TEX11: variants seen among roughly 807,000 people sequenced by gnomAD.
The protein encoded by TEX11 is testis-expressed protein 11.
A neutral mutation model predicts 84.4 loss-of-function variants in TEX11; 7 were observed. That is an observed-to-expected ratio of 0.08 (90% CI 0.05 to 0.16). The LOEUF is 0.16. Among genes scored for constraint, TEX11 ranks in the 10% least tolerant of loss-of-function variants. The pLI, the probability that TEX11 is intolerant of heterozygous loss-of-function variation, is 1.00. For synonymous variants in TEX11, 264 were observed against 222.8 expected, an observed-to-expected ratio of 1.18 and a Z score of -1.64; for missense variants, 551 against 660.5, an observed-to-expected ratio of 0.83 and a Z score of 1.82.
chrX:70,521,751 C>T, the TEX11 span, among the ~76,000 whole-genome samples: 2 of 111,872 alleles, frequency 1.8e-5, no homozygotes. Context: ...TAAGGCTAGA[C>T]ATAGTAAGGT....
chrX:70,621,078 T>C (rs1230205381), intron 20 of TEX11, among the ~76,000 whole-genome samples: 1 of 111,078 alleles, frequency 9.0e-6, no homozygotes, highest in Non-Finnish European at 1.9e-5. Context: ...CAAATGATTA[T>C]GATATGTCAA....
At chrX:70,730,511 T>C (rs1036294187) in intron 11 of TEX11, among the ~76,000 whole-genome samples, 4 of 111,688 alleles carry the variant, frequency 3.6e-5, no homozygotes, top group Non-Finnish European at 7.5e-5. Flanking sequence ...TCTTACTCTC[T>C]GATAATACAG....
chrX:70,879,766 A>C (rs917461625), intron 3 of TEX11, among the ~76,000 whole-genome samples: 1 of 111,399 alleles, frequency 9.0e-6, no homozygotes, highest in Non-Finnish European at 1.9e-5. Context: ...ATAATAAATA[A>C]CATTGCTAAT....
intron 9 of TEX11, among the ~76,000 whole-genome samples, chrX:70,771,528 T>A (rs1292464274): frequency 9.0e-6 from 1 of 111,427 alleles, no homozygotes; most frequent in African/African-American, 3.3e-5. Flanking sequence ...TTAAATGCAA[T>A]CTATTTTGAA....
chrX:70,677,917 G>A (rs1444633086), intron 15 of TEX11, among the ~76,000 whole-genome samples: 1 of 101,673 alleles, frequency 9.8e-6, no homozygotes. Flanking sequence ...GGGTTCAAGC[G>A]ATTCCCCTGC....
At chrX:70,625,776 C>CT (rs36048662) in intron 18 of TEX11, among the ~76,000 whole-genome samples, 24 of 95,132 alleles carry the variant, frequency 2.5e-4, no homozygotes, top group East Asian at 1.3e-3. Flanking sequence ...TTTTCTTTTT[C>CT]TTTTTTTTTT....
chrX:70,870,150 A>G (rs2091622259), intron 4 of TEX11, among the ~76,000 whole-genome samples: 1 of 111,967 alleles, frequency 8.9e-6, no homozygotes, highest in African/African-American at 3.2e-5. Flanking sequence ...TGACATTTAT[A>G]AATTTTTAAA....
At chrX:70,763,781 G>C (rs1180000380) in intron 9 of TEX11, among the ~76,000 whole-genome samples, 1 of 110,237 alleles carries the variant, frequency 9.1e-6, no homozygotes, top group East Asian at 2.8e-4. Flanking sequence ...TTCCACAAGA[G>C]GATATAACAA....
At chrX:70,616,677 G>C (rs1462543309) in intron 20 of TEX11, among the ~76,000 whole-genome samples, 2 of 112,044 alleles carry the variant, frequency 1.8e-5, no homozygotes, top group Non-Finnish European at 3.8e-5. Context: ...ATACACAATG[G>C]AGGACTATTC....
intron 9 of TEX11, among the ~76,000 whole-genome samples, chrX:70,802,328 T>C (rs2091193658): frequency 9.0e-6 from 1 of 111,265 alleles, no homozygotes; most frequent in African/African-American, 3.3e-5. Context: ...ATCAGTGAAA[T>C]TTGAACAATG....
chrX:70,881,743 A>G (rs1443891597), intron 2 of TEX11, among the ~76,000 whole-genome samples: 1 of 111,637 alleles, frequency 9.0e-6, no homozygotes, highest in Non-Finnish European at 1.9e-5. Context: ...AATAAAAATT[A>G]AAAATTAAAA....
chrX:70,772,000 C>G (rs764836605), intron 9 of TEX11, among the ~76,000 whole-genome samples: 1 of 111,923 alleles, frequency 8.9e-6, no homozygotes, highest in Admixed American at 9.5e-5. Flanking sequence ...TGGCACGAAG[C>G]TTTATGCTGG....
Position 70,630,961 on chromosome X carries a change from G to T in TEX11, c.1484-1226C>A, listed in dbSNP as rs1050626584. 2.7e-5 allele frequency among the ~76,000 whole-genome samples: 3 copies of T among 112,117 alleles called. No individual in the cohort carries two copies. In the South Asian group the frequency reaches 1.1e-3, roughly 42 times the overall value. On this transcript the variant is annotated intron_variant, in intron 17 of 29. Transcript: ENST00000374333. ...AAGACAATAATCAGTTTATCATGAG[G>T]ACATAACTCTGAATGCTTATGCACC... is the stretch of plus-strand genomic sequence containing the variant.
chrX:70,637,662 C>G (rs776914648), intron 17 of TEX11, among the ~76,000 whole-genome samples: 3 of 110,858 alleles, frequency 2.7e-5, no homozygotes, highest in Non-Finnish European at 5.7e-5. Flanking sequence ...AATGCAGGAA[C>G]AGAAAACCAA....
intron 2 of TEX11, among the ~76,000 whole-genome samples, chrX:70,902,404 T>C (rs1321294937): frequency 1.8e-5 from 2 of 112,023 alleles, no homozygotes; most frequent in African/African-American, 3.2e-5. Flanking sequence ...TACTGTACAC[T>C]ACTGTAGACT....
intron 7 of TEX11, among the ~76,000 whole-genome samples, chrX:70,845,444 G>A (rs982928490): frequency 9.0e-6 from 1 of 111,063 alleles, no homozygotes; most frequent in Non-Finnish European, 1.9e-5. Context: ...TTACAGGCAG[G>A]GGCCACTGCG....
intron 11 of TEX11, among the ~76,000 whole-genome samples, chrX:70,726,476 G>C (rs759572932): frequency 6.3e-5 from 7 of 111,377 alleles, no homozygotes; most frequent in African/African-American, 2.3e-4. Flanking sequence ...CAAAATCCTT[G>C]TCTTCTCTGT....
At chrX:70,888,977 T>A (rs1169138544) in intron 2 of TEX11, among the ~76,000 whole-genome samples, 1 of 111,087 alleles carries the variant, frequency 9.0e-6, no homozygotes, top group Non-Finnish European at 1.9e-5. Flanking sequence ...GAATAGTATA[T>A]CCAGTGAAAA....
chrX:70,570,040 G>A (rs915112563), intron 25 of TEX11, among the ~76,000 whole-genome samples: 1 of 111,992 alleles, frequency 8.9e-6, no homozygotes, highest in Non-Finnish European at 1.9e-5. Context: ...AGGCTTCCTC[G>A]AGCTGTGGTG....
Sources: allele counts gnomAD v4.1 joint callset (sites outside exome capture counted in the v4.1 genomes callset), GRCh38; gene constraint gnomAD v4.1.1; transcripts MANE v1.5; gene names NCBI Gene and HGNC (gene_info 2026-07-23, HGNC 2026-07-21).